MYOM2: variants seen among roughly 807,000 people sequenced by gnomAD.
MYOM2 encodes the protein myomesin 2.
In MYOM2, 254 loss-of-function variants were observed where a neutral mutation model predicts 187.6. That is an observed-to-expected ratio of 1.35 (90% CI 1.22 to 1.50). MYOM2 has a LOEUF of 1.50. Among genes scored for constraint, MYOM2 ranks in the 40% most tolerant of loss-of-function variants. The pLI is 0.00. For synonymous variants in MYOM2, 981 were observed against 753.8 expected, an observed-to-expected ratio of 1.30 and a Z score of -4.94; for missense variants, 2,796 against 1,924.0, an observed-to-expected ratio of 1.45 and a Z score of -8.48.
At chr8:2,122,492 T>C (rs1355424855) in intron 28 of MYOM2, among the ~76,000 whole-genome samples, 1 of 152,252 alleles carries the variant, frequency 6.6e-6, no homozygotes, top group African/African-American at 2.4e-5. Context: ...CTAAGCTGTG[T>C]TGCACTGTTA....
intron 14 of MYOM2, among the ~76,000 whole-genome samples, chr8:2,088,884 G>A (rs1796188331): frequency 6.6e-6 from 1 of 152,230 alleles, no homozygotes; most frequent in Non-Finnish European, 1.5e-5. Flanking sequence ...CCCAGCAGTG[G>A]ATAAGCCTTC....
At chr8:2,083,986 C>T (rs912332959) in intron 13 of MYOM2, among the ~76,000 whole-genome samples, 3 of 152,262 alleles carry the variant, frequency 2.0e-5, no homozygotes, top group Admixed American at 2.0e-4. Flanking sequence ...CGGCTCACAC[C>T]TGCTTGCTGC....
chr8:2,113,914 TG>T (rs1469383655), intron 25 of MYOM2, among the ~76,000 whole-genome samples: 2 of 152,120 alleles, frequency 1.3e-5, no homozygotes, highest in African/African-American at 4.8e-5. Context: ...GCTGCAGGGA[TG>T]AGTAAGGCCA....
intron 32 of MYOM2, among the ~76,000 whole-genome samples, chr8:2,130,297 C>G (rs1036891344): frequency 1.4e-5 from 2 of 143,802 alleles, no homozygotes; most frequent in African/African-American, 5.6e-5. Flanking sequence ...GCGCCCACAC[C>G]CCGCCTTTAG....
intron 23 of MYOM2, 94 bp from the exon 24 acceptor site, chr8:2,108,692 G>T: frequency 8.5e-7 from 1 of 1,179,994 alleles, no homozygotes; most frequent in Non-Finnish European, 1.3e-6. Context: ...AATCCTGGGG[G>T]TTTCCAATCT....
At chr8:2,086,372 GATC>G in intron 14 of MYOM2, among the ~76,000 whole-genome samples, 1 of 113,340 alleles carries the variant, frequency 8.8e-6, no homozygotes, top group African/African-American at 4.5e-5. Flanking sequence ...CCACTGTTGT[GATC>G]TCTGCGTGGC....
At chr8:2,082,921 G>T (rs1228367098) in intron 13 of MYOM2, among the ~76,000 whole-genome samples, 1 of 152,102 alleles carries the variant, frequency 6.6e-6, no homozygotes, top group Non-Finnish European at 1.5e-5. Context: ...GGTGGATGAG[G>T]GAACAAAATA....
intron 16 of MYOM2, 79 bp from the exon 17 acceptor site, chr8:2,093,891 T>A: frequency 6.4e-7 from 1 of 1,564,154 alleles, no homozygotes. Flanking sequence ...TATGGCGCGT[T>A]CAGGGTGATT....
At chr8:2,097,178 T>C (rs1796523993) in intron 18 of MYOM2, 1 of 838,862 alleles carries the variant, frequency 1.2e-6, no homozygotes, top group Non-Finnish European at 1.4e-6. Flanking sequence ...CTTTGTCTAC[T>C]AGAAAATTCT....
Position 2,124,545 on chromosome 8 carries a change from C to A in MYOM2, c.3694+328C>A, listed in dbSNP as rs1207669860. ...GCAGCTTTTTACATATGTTGAATAGCCGTAATGAATTTTTAAACCTCTCAC... is the reference window on the plus strand; with the variant it reads ...GCAGCTTTTTACATATGTTGAATAGACGTAATGAATTTTTAAACCTCTCAC... On this transcript the variant is annotated intron_variant, in intron 31 of 36. Transcript: ENST00000262113. Among the ~76,000 whole-genome samples, 4 of 152,138 alleles carry A rather than the reference C, an allele frequency of 2.6e-5. No individual in the cohort carries two copies. The East Asian group carries it at 5.8e-4, about 22-fold the overall frequency.
chr8:2,085,444 G>A (rs1204522424), intron 14 of MYOM2, 54 bp downstream of exon 14: 2 of 1,593,290 alleles, frequency 1.3e-6, no homozygotes, highest in Admixed American at 1.7e-5. Context: ...GCCCCCCACT[G>A]TCATGATCTC....
At position 2,078,003 on chromosome 8, in the gene MYOM2, A is replaced by C. The variant is rs79098331; in HGVS notation, c.1263-731A>C. Among the ~76,000 whole-genome samples, 1,104 of 152,254 alleles carry C rather than the reference A, an allele frequency of 7.3e-3. 10 individuals are homozygous for C. Among genetic ancestry groups the C allele is most frequent in the African/African-American group, 0.025 (1,032 of 41,528 alleles). ...AGGAGAGCTGGTTCTTTCCCAGATG[A>C]AGGCACCACTCTGGGGTTGAAGTGC... is the stretch of plus-strand genomic sequence containing the variant. On this transcript the variant is annotated intron_variant, in intron 11 of 36. Transcript: ENST00000262113.
At chr8:2,085,656 C>T (rs140318684) in intron 14 of MYOM2, among the ~76,000 whole-genome samples, 114 of 3,232 alleles carry the variant, frequency 0.035, 46 homozygotes, top group South Asian at 0.12. Flanking sequence ...CCCCCACTGT[C>T]GTGATCTCTG....
intron 34 of MYOM2, 56 bp from the exon 35 acceptor site, chr8:2,142,319 A>G (rs1167957466): frequency 1.3e-6 from 2 of 1,561,662 alleles, no homozygotes; most frequent in African/African-American, 2.7e-5. Context: ...TTTTGTTGGA[A>G]GCATTTTCTC....
At position 2,118,942 on chromosome 8, in the gene MYOM2, C is replaced by G. The variant is rs543246992; in HGVS notation, c.3453+990C>G. 3.3e-5 allele frequency: 5 copies of G among 152,310 alleles called. No individual in the cohort carries two copies. In the East Asian group the frequency reaches 5.8e-4, roughly 18 times the overall value. The allele number at this position is 152,310 out of a possible 1,614,324, so 9.4% of individuals were successfully genotyped here. A position where few individuals can be genotyped will look rare whatever the true frequency, so the allele number is the denominator to read the frequency against. ...TAGGATACACATCCAGCAGTTAAAA[C>G]CAGCAGGGGCTGGCAAGTAGCTGGG... On this transcript the variant is annotated intron_variant, in intron 28 of 36. Transcript: ENST00000262113.
At chr8:2,052,104 A>G in intron 2 of MYOM2, 54 bp from the exon 3 acceptor site, 1 of 1,604,330 alleles carries the variant, frequency 6.2e-7, no homozygotes, top group Non-Finnish European at 8.5e-7. Flanking sequence ...GTCAGGATAA[A>G]TTTCCATACT....
chr8:2,070,411 T>G (rs1416173552), intron 8 of MYOM2, among the ~76,000 whole-genome samples: 1 of 152,202 alleles, frequency 6.6e-6, no homozygotes, highest in African/African-American at 2.4e-5. Flanking sequence ...TGACTTTTTT[T>G]GCTGGGCTAC....
intron 16 of MYOM2, among the ~76,000 whole-genome samples, chr8:2,093,290 A>C (rs768889209): frequency 1.3e-5 from 2 of 152,260 alleles, no homozygotes; most frequent in Non-Finnish European, 2.9e-5. Context: ...AAGATCGATC[A>C]GAATAAGAAA....
chr8:2,076,306 G>A, intron 11 of MYOM2, 24 bp downstream of exon 11: 2 of 1,611,032 alleles, frequency 1.2e-6, no homozygotes, highest in Non-Finnish European at 8.5e-7. Flanking sequence ...ATTCTCCCGG[G>A]GATGGGAACG....
Sources: allele counts gnomAD v4.1 joint callset (sites outside exome capture counted in the v4.1 genomes callset), GRCh38; gene constraint gnomAD v4.1.1; transcripts MANE v1.5; gene names NCBI Gene and HGNC (gene_info 2026-07-23, HGNC 2026-07-21).